Variants in SYT16 observed in about 807,000 individuals in gnomAD.
The protein encoded by SYT16 is synaptotagmin 16.
Under a neutral mutation model 61.4 loss-of-function variants are expected in SYT16, and 42 were observed. The ratio of observed to expected loss-of-function variants is 0.68; its 90% CI spans 0.53 to 0.89. The LOEUF is 0.89. Ranked by LOEUF, SYT16 falls within the 40% of genes least tolerant of loss-of-function variation. The pLI, the probability that SYT16 is intolerant of heterozygous loss-of-function variation, is 0.00. For synonymous variants in SYT16, 314 were observed against 302.3 expected, an observed-to-expected ratio of 1.04 and a Z score of -0.40; for missense variants, 804 against 807.3, an observed-to-expected ratio of 1.00 and a Z score of 0.05.
intron 1 of SYT16, among the ~76,000 whole-genome samples, chr14:61,935,058 C>T (rs1013881129): frequency 1.3e-5 from 2 of 152,152 alleles, no homozygotes; most frequent in African/African-American, 4.8e-5. Flanking sequence ...TTACCACAGG[C>T]AAGCAAATTA....
chr14:62,045,591 A>C (rs570094307), intron 3 of SYT16, among the ~76,000 whole-genome samples: 69 of 152,136 alleles, frequency 4.5e-4, no homozygotes, highest in Admixed American at 3.8e-3. Flanking sequence ...TCCTAATGCT[A>C]TCTCTCCCCA....
At chr14:61,846,479 C>T (rs1000875995) in intron 1 of SYT16, among the ~76,000 whole-genome samples, 1 of 152,096 alleles carries the variant, frequency 6.6e-6, no homozygotes, top group Non-Finnish European at 1.5e-5. Flanking sequence ...TATAGTGATT[C>T]CTGCTCTTTT....
chr14:62,002,914 G>A (rs1264336223), intron 3 of SYT16, among the ~76,000 whole-genome samples: 3 of 152,094 alleles, frequency 2.0e-5, no homozygotes, highest in Non-Finnish European at 4.4e-5. Flanking sequence ...TCCTTCACAT[G>A]ACAGCAGCAA....
chr14:61,854,725 C>T (rs937216848), intron 1 of SYT16, among the ~76,000 whole-genome samples: 7 of 152,208 alleles, frequency 4.6e-5, no homozygotes, highest in African/African-American at 1.7e-4. Context: ...ACATACGCAT[C>T]ACTCGTGGTT....
chr14:61,880,533 T>C (rs1383244499), intron 1 of SYT16, among the ~76,000 whole-genome samples: 3 of 152,238 alleles, frequency 2.0e-5, no homozygotes, highest in Non-Finnish European at 2.9e-5. Flanking sequence ...TGGAGTTTCA[T>C]TGAGTCTCTA....
chr14:61,822,467 C>A (rs1425777920), intron 1 of SYT16, among the ~76,000 whole-genome samples: 1 of 152,220 alleles, frequency 6.6e-6, no homozygotes, highest in African/African-American at 2.4e-5. Context: ...TGCTCACCAG[C>A]CATCTAGGCA....
chr14:62,040,744 T>A (rs1382035017), intron 3 of SYT16, among the ~76,000 whole-genome samples: 1 of 152,186 alleles, frequency 6.6e-6, no homozygotes, highest in Non-Finnish European at 1.5e-5. Context: ...ATATTATTTT[T>A]AGAGCAATTT....
At chr14:61,911,478 A>G (rs1249076237) in intron 1 of SYT16, among the ~76,000 whole-genome samples, 1 of 152,230 alleles carries the variant, frequency 6.6e-6, no homozygotes, top group Non-Finnish European at 1.5e-5. Context: ...CAGCAAGGCA[A>G]TTGTTGTTTT....
intron 1 of SYT16, among the ~76,000 whole-genome samples, chr14:61,896,314 A>T (rs531210851): frequency 6.6e-6 from 1 of 152,100 alleles, no homozygotes; most frequent in East Asian, 1.9e-4. Context: ...TAATGTACAA[A>T]CCCCTTTGTC....
chr14:61,981,958 T>A (rs1279519959), intron 2 of SYT16, among the ~76,000 whole-genome samples: 1 of 152,186 alleles, frequency 6.6e-6, no homozygotes, highest in African/African-American at 2.4e-5. Flanking sequence ...GTGGAAATGT[T>A]TAACACCTAA....
At chr14:62,055,606 G>A (rs1307922462) in intron 3 of SYT16, among the ~76,000 whole-genome samples, 1 of 152,106 alleles carries the variant, frequency 6.6e-6, no homozygotes, top group Non-Finnish European at 1.5e-5. Flanking sequence ...GGCGGGGAAA[G>A]AAAATAAGCC....
At position 62,084,279 on chromosome 14, in the gene SYT16, G is replaced by T. The variant is rs200581957; in HGVS notation, c.1518G>T (p.Ala506=). 1.9e-6 allele frequency: 3 copies of T among 1,613,824 alleles called. No homozygotes were observed. In the Admixed American group the frequency reaches 5.0e-5, roughly 27 times the overall value. ...CGCAGTCGCTGTCTCATGGAGGGGC[G>T]CCAGAGCTGTTGGTGGGGCTCTCGT... The part of the protein sequence containing the change: ...SSTQSLSHGG[A]PELLVGLSYN... Residue 506 remains alanine (A), a synonymous_variant, in exon 7 of 8, where the codon GCG becomes GCT. Coordinates refer to ENST00000683842, the MANE Select transcript of SYT16 (RefSeq NM_001367656.1).
At chr14:62,034,543 A>G (rs981274968) in intron 3 of SYT16, among the ~76,000 whole-genome samples, 1 of 152,194 alleles carries the variant, frequency 6.6e-6, no homozygotes, top group African/African-American at 2.4e-5. Context: ...AACTACTGAC[A>G]TATGCTACAA....
chr14:61,995,584 C>T, intron 2 of SYT16, among the ~76,000 whole-genome samples: 1 of 152,046 alleles, frequency 6.6e-6, no homozygotes, highest in East Asian at 1.9e-4. Context: ...AATGAAGATT[C>T]ATTTATCCTT....
intron 3 of SYT16, among the ~76,000 whole-genome samples, chr14:62,011,924 CACAT>C (rs1222313324): frequency 1.1e-5 from 1 of 86,984 alleles, no homozygotes; most frequent in Admixed American, 1.3e-4. Flanking sequence ...CACACACACA[CACAT>C]ATATATATAT....
At chr14:62,044,342 G>A (rs891926181) in intron 3 of SYT16, among the ~76,000 whole-genome samples, 1 of 152,076 alleles carries the variant, frequency 6.6e-6, no homozygotes, top group Admixed American at 6.6e-5. Context: ...GTGCAGGTTT[G>A]TTACATAGGT....
intron 1 of SYT16, among the ~76,000 whole-genome samples, chr14:61,867,500 A>G (rs769965936): frequency 2.0e-5 from 3 of 152,070 alleles, no homozygotes; most frequent in Non-Finnish European, 4.4e-5. Context: ...GCTCTGAACT[A>G]TGAATTGGAA....
chr14:61,906,799 A>ATCCATCCG (rs1347531430), intron 1 of SYT16, among the ~76,000 whole-genome samples: 1 of 148,752 alleles, frequency 6.7e-6, no homozygotes, highest in African/African-American at 2.5e-5. Context: ...CCATCCATCC[A>ATCCATCCG]TCCATCCATC....
chr14:62,061,653 A>G (rs1327019891), intron 3 of SYT16, among the ~76,000 whole-genome samples: 1 of 152,168 alleles, frequency 6.6e-6, no homozygotes, highest in Non-Finnish European at 1.5e-5. Flanking sequence ...AAAAGAAAGA[A>G]GTATGTTTTG....
Sources: gnomAD v4.1 joint callset for allele counts (sites outside exome capture counted in the v4.1 genomes callset) on GRCh38, gnomAD v4.1.1 for gene constraint, MANE v1.5 for transcripts, NCBI Gene and HGNC (gene_info 2026-07-23, HGNC 2026-07-21) for gene names.